PTGFR: variants seen among roughly 807,000 people sequenced by gnomAD.
PTGFR encodes prostaglandin F receptor.
Under a neutral mutation model 26.2 loss-of-function variants are expected in PTGFR, and 15 were observed. The observed-to-expected ratio is 0.57, with a 90% CI of 0.38 to 0.88. PTGFR has a LOEUF of 0.88. Among genes scored for constraint, PTGFR ranks in the 40% least tolerant of loss-of-function variants. The pLI is 0.00. For synonymous variants in PTGFR, 165 were observed against 151.1 expected (o/e 1.09, Z -0.68); for missense variants, 369 against 427.2 (o/e 0.86, Z 1.20).
chr1:78,540,024 A>C lies in PTGFR; in HGVS notation c.*3337A>C, dbSNP rs999341700. On this transcript the variant is annotated 3_prime_UTR_variant, in exon 3 of 3. Coordinates refer to ENST00000370757, the MANE Select transcript of PTGFR (RefSeq NM_000959.4). ...AAAGCCTCAATGTGTCTGTAATAAG[A>C]AACAATCTCCAAATTACAGCGCCAT... Among the ~76,000 whole-genome samples the C allele has an allele frequency of 1.3e-5, 2 of 148,162 alleles. No homozygotes were observed. The highest frequency in any genetic ancestry group is 4.9e-5 in the African/African-American group (2 of 41,208).
chr1:78,518,683 C>T (rs1236805447), intron 2 of PTGFR, among the ~76,000 whole-genome samples: 4 of 151,424 alleles, frequency 2.6e-5, no homozygotes, highest in Admixed American at 1.3e-4. Flanking sequence ...AATTTAGACA[C>T]CCCTTATTTG....
chr1:78,535,055 C>T (rs1026594189), intron 2 of PTGFR, among the ~76,000 whole-genome samples: 70 of 152,220 alleles, frequency 4.6e-4, no homozygotes, highest in African/African-American at 1.6e-3. Flanking sequence ...TTGGGCAGTG[C>T]CCTAGTGTTC....
intron 2 of PTGFR, among the ~76,000 whole-genome samples, chr1:78,516,385 G>A (rs1020191826): frequency 1.3e-5 from 2 of 152,086 alleles, no homozygotes; most frequent in African/African-American, 4.8e-5. Context: ...CAATATTCAT[G>A]GAGAAGAGCT....
intron 2 of PTGFR, among the ~76,000 whole-genome samples, chr1:78,535,991 T>A (rs1205581198): frequency 6.6e-6 from 1 of 152,202 alleles, no homozygotes; most frequent in Non-Finnish European, 1.5e-5. Context: ...TAATATCAGA[T>A]GCTCTAAATT....
chr1:78,491,502 G>A (rs1649396497), intron 1 of PTGFR, among the ~76,000 whole-genome samples: 1 of 152,230 alleles, frequency 6.6e-6, no homozygotes, highest in Non-Finnish European at 1.5e-5. Flanking sequence ...GCTTCTCGCC[G>A]TTGCGGGGTT....
In PTGFR at chr1:78,493,151, A is replaced by T; in HGVS notation, c.408A>T (p.Gly136=). ...TGATGGCCATTGAGCGGTGTATTGG[A>T]GTCACAAAACCAATATTTCATTCTA... ...GSVMAIERCI[G]VTKPIFHSTK... Residue 136 remains glycine, a synonymous_variant, in exon 2 of 3, where the codon GGA becomes GGT. Coordinates refer to ENST00000370757, the MANE Select transcript of PTGFR (RefSeq NM_000959.4). 1 of 1,614,226 alleles carries T rather than the reference A, an allele frequency of 6.2e-7. No individual in the cohort carries two copies. The highest frequency in any genetic ancestry group is 1.1e-5 in the South Asian group (1 of 91,086).
At chr1:78,521,390 G>A (rs1344747157) in intron 2 of PTGFR, among the ~76,000 whole-genome samples, 1 of 152,044 alleles carries the variant, frequency 6.6e-6, no homozygotes, top group Non-Finnish European at 1.5e-5. Context: ...TATTGCCTGT[G>A]CCATTCTGAT....
At chr1:78,515,266 A>G (rs1328609450) in intron 2 of PTGFR, among the ~76,000 whole-genome samples, 1 of 152,164 alleles carries the variant, frequency 6.6e-6, no homozygotes, top group Non-Finnish European at 1.5e-5. Flanking sequence ...AGGTTCCCTT[A>G]CTCAATGACT....
intron 2 of PTGFR, among the ~76,000 whole-genome samples, chr1:78,527,564 G>C (rs1650402242): frequency 6.6e-6 from 1 of 152,052 alleles, no homozygotes; most frequent in African/African-American, 2.4e-5. Flanking sequence ...GAGAAAAAAA[G>C]ACTCCCTCTC....
intron 2 of PTGFR, among the ~76,000 whole-genome samples, chr1:78,515,606 A>G (rs904056571): frequency 2.6e-5 from 4 of 152,224 alleles, no homozygotes; most frequent in African/African-American, 7.2e-5. Context: ...AGAAATTACA[A>G]TTCTGGACAT....
chr1:78,496,149 G>A (rs1649542660), intron 2 of PTGFR, among the ~76,000 whole-genome samples: 1 of 152,312 alleles, frequency 6.6e-6, no homozygotes, highest in South Asian at 2.1e-4. Context: ...CTGGACACAA[G>A]TGCCTTGGGG....
intron 2 of PTGFR, among the ~76,000 whole-genome samples, chr1:78,508,349 TC>T (rs1428838847): frequency 1.3e-5 from 2 of 152,348 alleles, no homozygotes; most frequent in African/African-American, 4.8e-5. Flanking sequence ...ATAGTGTTTT[TC>T]CTCTGGTATG....
intron 2 of PTGFR, among the ~76,000 whole-genome samples, chr1:78,523,197 C>A (rs901836377): frequency 8.6e-5 from 13 of 151,886 alleles, no homozygotes; most frequent in Non-Finnish European, 1.6e-4. Flanking sequence ...GGTTGTTGTA[C>A]ACTATTTTTA....
Position 78,536,556 on chromosome 1 carries a change from A to G in PTGFR, c.949A>G (p.Lys317Glu). 6.2e-7 allele frequency: 1 copy of G among 1,613,458 alleles called. No individual in the cohort carries two copies. Among genetic ancestry groups the G allele is most frequent in the Non-Finnish European group, 8.5e-7 (1 of 1,179,572 alleles). ...LRKAVLKNLY[K>E]LASQCCGVHV... is the part of the protein sequence containing the mutation. ...AAAGGCTGTCCTTAAGAATCTCTAT[A>G]AGCTTGCCAGTCAATGCTGTGGAGT... Residue 317 changes from lysine to glutamate, a missense_variant, in exon 3 of 3, where the codon AAG becomes GAG. Physicochemically the swap from Lys to Glu is moderately conservative, Grantham distance 56. Coordinates refer to ENST00000370757, the MANE Select transcript of PTGFR (RefSeq NM_000959.4).
chr1:78,520,497 C>T (rs917828638), intron 2 of PTGFR, among the ~76,000 whole-genome samples: 11 of 152,036 alleles, frequency 7.2e-5, no homozygotes, highest in African/African-American at 2.4e-4. Flanking sequence ...ATTGGAGCTG[C>T]AGTTTTACAG....
chr1:78,533,225 C>G (rs1484227746), intron 2 of PTGFR, among the ~76,000 whole-genome samples: 1 of 152,142 alleles, frequency 6.6e-6, no homozygotes, highest in Non-Finnish European at 1.5e-5. Flanking sequence ...CCATGATGCT[C>G]TAGAAAACTA....
In PTGFR at chr1:78,493,526, T is replaced by C. The variant is rs1182988422; in HGVS notation, c.783T>C (p.Cys261=). The change falls in exon 2 of 3, where the codon TGT becomes TGC. Residue 261 remains cysteine (C), a synonymous_variant. Transcript: ENST00000370757. ...CGATAATGTGTGTCTCCTGTATTTG[T>C]TGGAGCCCATTTCTGGTAAGAGCCT... ...LLAIMCVSCI[C]WSPFLVTMAN... 2 of 1,535,928 alleles carry C rather than the reference T, an allele frequency of 1.3e-6. No homozygotes were observed. The highest frequency in any genetic ancestry group is 2.6e-5 in the South Asian group (2 of 77,262).
At chr1:78,501,116 G>T (rs1649694338) in intron 2 of PTGFR, among the ~76,000 whole-genome samples, 1 of 150,176 alleles carries the variant, frequency 6.7e-6, no homozygotes, top group Non-Finnish European at 1.5e-5. Context: ...TCAGAAACAT[G>T]TGTATTAAAT....
rs781498301 is a variant in PTGFR, at chr1:78,540,400, G to A, written c.*3713G>A. 2.0e-4 allele frequency among the ~76,000 whole-genome samples: 31 copies of A among 152,074 alleles called. No individual in the cohort carries two copies. Among genetic ancestry groups the A allele is most frequent in the Non-Finnish European group, 3.7e-4 (25 of 68,012 alleles). On this transcript the variant is annotated 3_prime_UTR_variant, in exon 3 of 3. Coordinates refer to ENST00000370757, the MANE Select transcript of PTGFR (RefSeq NM_000959.4). ...AATTTTCATTCTTGTCTTCCTAATAGCATTTAAACAGAAACGATTTTTAAA... is the reference window on the plus strand; with the variant it reads ...AATTTTCATTCTTGTCTTCCTAATAACATTTAAACAGAAACGATTTTTAAA...
Sources: allele counts gnomAD v4.1 joint callset (sites outside exome capture counted in the v4.1 genomes callset), GRCh38; gene constraint gnomAD v4.1.1; transcripts MANE v1.5; gene names NCBI Gene and HGNC (gene_info 2026-07-23, HGNC 2026-07-21).